The following RP1 variants were observed in gnomAD, a reference collection of about 807,000 sequenced individuals.
The protein encoded by RP1 is RP1 axonemal microtubule associated.
RP1 carries 16 observed loss-of-function variants against 14.8 expected under a neutral mutation model. The observed-to-expected ratio is 1.08, with a 90% CI of 0.73 to 1.65. The LOEUF (loss-of-function observed/expected upper bound fraction) is 1.65. Ranked by LOEUF, RP1 falls within the 40% of genes most tolerant of loss-of-function variation. The pLI is 0.00. For missense variants in RP1, 2,631 were observed against 2,535.0 expected (o/e 1.04, Z -0.81); for synonymous variants, 876 against 883.6 (o/e 0.99, Z 0.15).
At chr8:54,740,701 G>A (rs574809873) in intron 19 of RP1, among the ~76,000 whole-genome samples, 8 of 151,728 alleles carry the variant, frequency 5.3e-5, no homozygotes, top group South Asian at 4.2e-4. Context: ...CAGCCTGGGC[G>A]ACAAAGCGAG....
At chr8:54,730,318 C>A (rs1808763524) in intron 17 of RP1, among the ~76,000 whole-genome samples, 1 of 151,832 alleles carries the variant, frequency 6.6e-6, no homozygotes, top group Non-Finnish European at 1.5e-5. Flanking sequence ...AAAGTGGATT[C>A]TTAGTATTTC....
chr8:54,667,227 C>T (rs1395340462), intron 7 of RP1, among the ~76,000 whole-genome samples: 1 of 152,064 alleles, frequency 6.6e-6, no homozygotes, highest in Non-Finnish European at 1.5e-5. Context: ...AGCTGGGCTT[C>T]AGTGGGGTCT....
At chr8:54,663,694 G>T (rs1455175239) in intron 6 of RP1, 4 of 1,508,698 alleles carry the variant, frequency 2.7e-6, no homozygotes, top group Admixed American at 2.3e-5. Context: ...TTCTTATGTT[G>T]TCAGTGACAA....
intron 7 of RP1, among the ~76,000 whole-genome samples, chr8:54,673,549 G>T (rs1807225946): frequency 6.6e-6 from 1 of 152,106 alleles, no homozygotes; most frequent in Non-Finnish European, 1.5e-5. Context: ...AGACCAGCCT[G>T]GGCAACATAG....
At chr8:54,650,787 G>A (rs1437911558) in intron 4 of RP1, among the ~76,000 whole-genome samples, 1 of 149,688 alleles carries the variant, frequency 6.7e-6, no homozygotes, top group Admixed American at 6.7e-5. Context: ...AATTGCTGTA[G>A]CTAGAACTTT....
Position 54,685,676 on chromosome 8 carries a change from CT to C in RP1, c.1717+5747del, listed in dbSNP as rs2129337361. 2.0e-5 allele frequency among the ~76,000 whole-genome samples: 3 copies of C among 151,184 alleles called. No individual in the cohort carries two copies. The South Asian group carries it at 6.3e-4, about 32-fold the overall frequency. ...TAAAACATGATGAGATTTTTTTTTT[CT>C]TTTAGCTCATCAGCTATCCTTAGTG... On this transcript the variant is annotated intron_variant, in intron 12 of 22. Coordinates refer to the RP1 transcript ENST00000636932.
downstream of RP1, among the ~76,000 whole-genome samples, chr8:54,773,993 G>A (rs962264311): frequency 1.8e-4 from 27 of 152,074 alleles, no homozygotes; most frequent in African/African-American, 6.0e-4. Context: ...GCCTCACTGC[G>A]CAAATAGTGT....
chr8:54,621,761 CAT>C (rs938063863), intron 2 of RP1, among the ~76,000 whole-genome samples, 180 bp downstream of exon 2: 5 of 152,258 alleles, frequency 3.3e-5, no homozygotes, highest in African/African-American at 1.2e-4. Context: ...ACTGGAATCT[CAT>C]CTTTCCCTCA....
chr8:54,764,414 TTTA>T (rs1266868589), intron 22 of RP1, among the ~76,000 whole-genome samples: 2 of 152,220 alleles, frequency 1.3e-5, no homozygotes, highest in Non-Finnish European at 2.9e-5. Context: ...CATGGGTATA[TTTA>T]CTGGTGAGTT....
chr8:54,786,117 G>A (rs976913092), intron 24 of RP1, among the ~76,000 whole-genome samples: 1 of 151,982 alleles, frequency 6.6e-6, no homozygotes, highest in Non-Finnish European at 1.5e-5. Context: ...ATGGATTTAA[G>A]TTACCTTCTA....
chr8:54,626,405 A>G lies in RP1; in HGVS notation c.2523A>G (p.Glu841=), dbSNP rs778879412. The G allele has an allele frequency of 1.9e-6, 3 of 1,613,656 alleles. No individual in the cohort carries two copies. The highest frequency in any genetic ancestry group is 1.7e-6 in the Non-Finnish European group (2 of 1,179,878). Residue 841 remains glutamate (E), a synonymous_variant, in exon 4 of 4, where the codon GAA becomes GAG. Transcript: ENST00000220676. ...KDFYAPQSQA[E]VASGYLRGMA... is the part of the protein sequence containing the mutation. ...TTTATGCACCGCAATCTCAAGCAGA[A>G]GTGGCATCTGGGTATTTGAGAGGAA...
chr8:54,626,576 G>GA lies in RP1; in HGVS notation c.2700dup (p.Pro901ThrfsTer2), dbSNP rs797044735. Reference sequence around the variant, plus strand: ...CCAGGGCAAATTCTTTAGCTTCTTTGAAAAAACCTGATTTTCCTGAGGCTA... The same window carrying GA: ...CCAGGGCAAATTCTTTAGCTTCTTTGAAAAAAACCTGATTTTCCTGAGGCTA... On this transcript the variant is annotated frameshift_variant, in exon 4 of 4. Transcript: ENST00000220676. LOFTEE classifies it low-confidence loss of function (END_TRUNC). 1 of 1,613,206 alleles carries GA rather than the reference G, an allele frequency of 6.2e-7. No individual in the cohort carries two copies. Among genetic ancestry groups the GA allele is most frequent in the Non-Finnish European group, 8.5e-7 (1 of 1,179,788 alleles).
At chr8:54,753,415 G>A (rs1426362146) in intron 19 of RP1, among the ~76,000 whole-genome samples, 2 of 152,142 alleles carry the variant, frequency 1.3e-5, no homozygotes, top group Non-Finnish European at 2.9e-5. Context: ...CAATGGGGAG[G>A]CTGCCATGGA....
At chr8:54,769,458 G>T (rs1383264770) in intron 22 of RP1, among the ~76,000 whole-genome samples, 1 of 152,066 alleles carries the variant, frequency 6.6e-6, no homozygotes, top group African/African-American at 2.4e-5. Flanking sequence ...AGGTGATAGT[G>T]GTAGAGGACT....
chr8:54,799,682 G>A (rs1191106130), intron 24 of RP1, among the ~76,000 whole-genome samples: 3 of 151,502 alleles, frequency 2.0e-5, no homozygotes, highest in African/African-American at 7.3e-5. Flanking sequence ...TTTCCCCATG[G>A]TTTAGAGTGT....
At chr8:54,835,442 G>T (rs1811635100) in intron 24 of RP1, among the ~76,000 whole-genome samples, 1 of 152,124 alleles carries the variant, frequency 6.6e-6, no homozygotes, top group Non-Finnish European at 1.5e-5. Flanking sequence ...ATTACCAACA[G>T]AATTAGACAC....
In RP1 at chr8:54,695,493, A is replaced by G. The variant is rs559211484; in HGVS notation, c.1718-3974A>G. 6.4e-4 allele frequency among the ~76,000 whole-genome samples: 98 copies of G among 152,226 alleles called. 1 individual carries two copies. The highest frequency in any genetic ancestry group is 1.0e-3 in the Non-Finnish European group (71 of 68,008). On this transcript the variant is annotated intron_variant, in intron 12 of 22. Transcript: ENST00000636932. ...TTGAGTTCTTACTGAAAAAAATAAGATAATACCTTTATAGTTTTATGAATT... is the reference window on the plus strand; with the variant it reads ...TTGAGTTCTTACTGAAAAAAATAAGGTAATACCTTTATAGTTTTATGAATT...
chr8:54,863,044 G>GAGATATATATAT (rs766616305), intron 27 of RP1, among the ~76,000 whole-genome samples: 1 of 101,834 alleles, frequency 9.8e-6, no homozygotes, highest in Non-Finnish European at 1.9e-5. Flanking sequence ...ATTCCAAATG[G>GAGATATATATAT]ATATATATAT....
At chr8:54,635,106 T>A (rs139864886), downstream of RP1, among the ~76,000 whole-genome samples, 1,585 of 151,684 alleles carry the variant, frequency 0.01, 12 homozygotes, top group Middle Eastern at 0.031. Context: ...AGATGTAATA[T>A]ACAATGATTA....
Sources: allele counts gnomAD v4.1 joint callset (sites outside exome capture counted in the v4.1 genomes callset), GRCh38; gene constraint gnomAD v4.1.1; transcripts MANE v1.5; gene names NCBI Gene and HGNC (gene_info 2026-07-23, HGNC 2026-07-21).